Variants in ADAMTSL1 observed in about 807,000 individuals in gnomAD.
ADAMTSL1 encodes the protein ADAMTS-like protein 1.
Under a neutral mutation model 201.8 loss-of-function variants are expected in ADAMTSL1, and 126 were observed. That is an observed-to-expected ratio of 0.62 (90% CI 0.54 to 0.72). The LOEUF is 0.72. Among genes scored for constraint, ADAMTSL1 ranks in the 30% least tolerant of loss-of-function variants. The pLI is 0.00. For synonymous variants in ADAMTSL1, 1,121 were observed against 903.4 expected, an observed-to-expected ratio of 1.24 and a Z score of -4.32; for missense variants, 2,679 against 2,277.8, an observed-to-expected ratio of 1.18 and a Z score of -3.59.
At chr9:18,160,898 G>A (rs1447398509) in intron 1 of ADAMTSL1, among the ~76,000 whole-genome samples, 1 of 147,588 alleles carries the variant, frequency 6.8e-6, no homozygotes, top group East Asian at 2.0e-4. Flanking sequence ...TATTTGCCCA[G>A]GCTGGTCTGG....
chr9:18,082,410 C>G (rs1823542082), intron 1 of ADAMTSL1, among the ~76,000 whole-genome samples: 1 of 152,146 alleles, frequency 6.6e-6, no homozygotes, highest in Non-Finnish European at 1.5e-5. Flanking sequence ...CTCCTGGATT[C>G]AAGTGATTCT....
intron 2 of ADAMTSL1, among the ~76,000 whole-genome samples, chr9:18,372,892 T>G (rs994356270): frequency 1.4e-4 from 22 of 152,078 alleles, no homozygotes; most frequent in African/African-American, 5.3e-4. Flanking sequence ...AGCAACAAAC[T>G]ATGGAATCAT....
At chr9:18,206,452 A>T (rs961788571) in intron 2 of ADAMTSL1, among the ~76,000 whole-genome samples, 6 of 151,758 alleles carry the variant, frequency 4.0e-5, no homozygotes, top group African/African-American at 1.5e-4. Flanking sequence ...ATCAGCAAAA[A>T]CCTTCTTTTT....
At chr9:18,530,553 A>G (rs1015136381) in intron 2 of ADAMTSL1, among the ~76,000 whole-genome samples, 2 of 152,170 alleles carry the variant, frequency 1.3e-5, no homozygotes, top group Non-Finnish European at 2.9e-5. Flanking sequence ...CCCGAAAACC[A>G]GAACTGTTTG....
intron 2 of ADAMTSL1, among the ~76,000 whole-genome samples, chr9:18,455,097 A>G (rs1445374349): frequency 6.6e-6 from 1 of 152,288 alleles, no homozygotes; most frequent in African/African-American, 2.4e-5. Context: ...TCTAAAATTT[A>G]TATTTATTGA....
At chr9:18,723,245 A>C (rs770279901) in intron 15 of ADAMTSL1, 1 of 629,102 alleles carries the variant, frequency 1.6e-6, no homozygotes, top group Non-Finnish European at 2.9e-6. Context: ...AGCATTAAAC[A>C]GCTACTCCTG....
At chr9:18,377,591 A>T (rs1309604185) in intron 2 of ADAMTSL1, among the ~76,000 whole-genome samples, 5 of 152,124 alleles carry the variant, frequency 3.3e-5, no homozygotes, top group African/African-American at 1.2e-4. Flanking sequence ...TGTTTCTGAG[A>T]CAGAGTCTCA....
intron 1 of ADAMTSL1, among the ~76,000 whole-genome samples, chr9:18,055,318 A>C (rs1822131114): frequency 6.6e-6 from 1 of 152,186 alleles, no homozygotes; most frequent in Admixed American, 6.5e-5. Flanking sequence ...CTGTTTTCAA[A>C]GCATTTGTTT....
chr9:18,101,824 C>T (rs987638154), intron 1 of ADAMTSL1, among the ~76,000 whole-genome samples: 1 of 152,156 alleles, frequency 6.6e-6, no homozygotes. Flanking sequence ...CTCTAGTGTG[C>T]GTATGCAGGT....
intron 4 of ADAMTSL1, among the ~76,000 whole-genome samples, chr9:18,586,577 G>A (rs1823503244): frequency 1.3e-5 from 2 of 151,868 alleles, no homozygotes; most frequent in Non-Finnish European, 2.9e-5. Flanking sequence ...ATTCTTCACA[G>A]AACTAGAAAA....
chr9:18,589,207 C>A, intron 4 of ADAMTSL1, among the ~76,000 whole-genome samples: 1 of 152,084 alleles, frequency 6.6e-6, no homozygotes, highest in East Asian at 1.9e-4. Flanking sequence ...TCTAATCCAT[C>A]AACATGGAAT....
chr9:18,106,072 T>A (rs1824750696), intron 1 of ADAMTSL1, among the ~76,000 whole-genome samples: 1 of 152,186 alleles, frequency 6.6e-6, no homozygotes, highest in Admixed American at 6.5e-5. Context: ...CCTGGGAGCT[T>A]CTTGCTCTGC....
At chr9:18,850,381 T>G (rs1826414789) in intron 23 of ADAMTSL1, among the ~76,000 whole-genome samples, 1 of 152,220 alleles carries the variant, frequency 6.6e-6, no homozygotes, top group Non-Finnish European at 1.5e-5. Flanking sequence ...CTTGAGAATA[T>G]CTACTCTTGC....
chr9:17,949,822 GA>G (rs1409168502), intron 1 of ADAMTSL1, among the ~76,000 whole-genome samples: 2 of 152,148 alleles, frequency 1.3e-5, no homozygotes, highest in African/African-American at 4.8e-5. Flanking sequence ...TCTGTGACAT[GA>G]TTTCCTGAAA....
intron 2 of ADAMTSL1, among the ~76,000 whole-genome samples, chr9:18,424,440 T>G (rs73643278): frequency 0.019 from 2,924 of 152,248 alleles, 105 homozygotes; most frequent in African/African-American, 0.068. Context: ...AACATGCATC[T>G]CCTACATTAC....
intron 1 of ADAMTSL1, among the ~76,000 whole-genome samples, chr9:18,071,233 T>C (rs1822948811): frequency 6.6e-6 from 1 of 152,226 alleles, no homozygotes; most frequent in Non-Finnish European, 1.5e-5. Flanking sequence ...GAACTATAAC[T>C]TTTTTGTTTG....
intron 1 of ADAMTSL1, among the ~76,000 whole-genome samples, chr9:18,034,253 A>G (rs977665662): frequency 6.6e-6 from 1 of 152,020 alleles, no homozygotes; most frequent in East Asian, 1.9e-4. Flanking sequence ...CCACTTGTCC[A>G]TCATTTCCTG....
chr9:18,905,567 G>T, intron 26 of ADAMTSL1: 1 of 541,444 alleles, frequency 1.8e-6, no homozygotes, highest in Non-Finnish European at 3.3e-6. Flanking sequence ...CCATTTGCTG[G>T]CAGAATGCCC....
At chr9:18,756,595 G>T (rs987041311) in intron 16 of ADAMTSL1, among the ~76,000 whole-genome samples, 6 of 152,128 alleles carry the variant, frequency 3.9e-5, no homozygotes, top group Admixed American at 6.5e-5. Context: ...AATTCTTACT[G>T]GGAAAAGGGA....
Sources: allele counts gnomAD v4.1 joint callset (sites outside exome capture counted in the v4.1 genomes callset), GRCh38; gene constraint gnomAD v4.1.1; transcripts MANE v1.5; gene names NCBI Gene and HGNC (gene_info 2026-07-23, HGNC 2026-07-21).